Variants in TBC1D19 observed in about 807,000 individuals in gnomAD.
TBC1D19 encodes the protein TBC1 domain family member 19, also known as TBC1 domain family, member 19.
Under a neutral mutation model 89.0 loss-of-function variants are expected in TBC1D19, and 60 were observed. That is an observed-to-expected ratio of 0.67 (90% CI 0.55 to 0.84). The LOEUF (loss-of-function observed/expected upper bound fraction) is 0.84. TBC1D19 is among the 40% of genes least tolerant of loss of function. The pLI is 0.00. For synonymous variants in TBC1D19, 189 were observed against 199.7 expected (o/e 0.95, Z 0.45); for missense variants, 500 against 610.8 (o/e 0.82, Z 1.91).
At chr4:26,847,628 A>G in the TBC1D19 span, among the ~76,000 whole-genome samples, 4 of 152,322 alleles carry the variant, frequency 2.6e-5, no homozygotes, top group South Asian at 4.1e-4. Context: ...GTTGATCATT[A>G]TTGCTTTTAC....
chr4:26,642,354 A>G (rs1416164643), intron 7 of TBC1D19, among the ~76,000 whole-genome samples: 1 of 152,226 alleles, frequency 6.6e-6, no homozygotes. Flanking sequence ...AGGAGAAATA[A>G]AATCCTTTAC....
downstream of TBC1D19, among the ~76,000 whole-genome samples, chr4:26,757,197 TAG>T (rs971518957): frequency 2.0e-5 from 3 of 152,148 alleles, no homozygotes; most frequent in Non-Finnish European, 4.4e-5. Flanking sequence ...GTATTTTTAG[TAG>T]AGACAGGTTT....
chr4:26,741,794 G>A (rs1019009906), intron 17 of TBC1D19, among the ~76,000 whole-genome samples: 1 of 152,192 alleles, frequency 6.6e-6, no homozygotes, highest in Non-Finnish European at 1.5e-5. Context: ...GGAATGCTAA[G>A]CTGCAGGAAA....
At chr4:26,850,007 T>A in the TBC1D19 span, among the ~76,000 whole-genome samples, 1 of 152,260 alleles carries the variant, frequency 6.6e-6, no homozygotes, top group East Asian at 1.9e-4. Flanking sequence ...AGGTACAGGA[T>A]CAGATACTGT....
chr4:26,688,855 T>G (rs1415778145), intron 13 of TBC1D19, among the ~76,000 whole-genome samples: 3 of 152,130 alleles, frequency 2.0e-5, no homozygotes, highest in African/African-American at 7.2e-5. Context: ...GATGCTTGGA[T>G]TCTTACTTTT....
the TBC1D19 span, among the ~76,000 whole-genome samples, chr4:26,831,948 A>C: frequency 6.6e-6 from 1 of 152,144 alleles, no homozygotes; most frequent in Non-Finnish European, 1.5e-5. Flanking sequence ...TAAGGCTCCC[A>C]TATCTGCCAT....
At chr4:26,688,277 G>A in intron 12 of TBC1D19, 68 bp from the exon 13 acceptor site, 1 of 1,479,264 alleles carries the variant, frequency 6.8e-7, no homozygotes, top group Non-Finnish European at 9.0e-7. Context: ...CTAAATACAT[G>A]TGTATGCTTT....
intron 7 of TBC1D19, among the ~76,000 whole-genome samples, chr4:26,649,706 TCTAA>T (rs959270831): frequency 2.6e-5 from 4 of 152,016 alleles, no homozygotes; most frequent in Admixed American, 6.5e-5. Flanking sequence ...ATCTCAACGT[TCTAA>T]CTTTTTTTTT....
intron 2 of TBC1D19, 80 bp downstream of exon 2, chr4:26,613,321 T>A: frequency 1.2e-6 from 1 of 845,752 alleles, no homozygotes; most frequent in Non-Finnish European, 1.8e-6. Flanking sequence ...CCCTCAAGCT[T>A]GTACAACCAC....
At chr4:26,718,052 C>T (rs765793344) in intron 14 of TBC1D19, 35 bp downstream of exon 14, 13 of 1,469,546 alleles carry the variant, frequency 8.8e-6, no homozygotes, top group African/African-American at 4.2e-5. Context: ...AGTATTAAGA[C>T]TTACATAATC....
chr4:26,672,411 G>A (rs10031208), intron 10 of TBC1D19, among the ~76,000 whole-genome samples: 6,526 of 151,962 alleles, frequency 0.043, 483 homozygotes, highest in African/African-American at 0.15. Flanking sequence ...GTACACAGCT[G>A]GTTCACTAAA....
At chr4:26,627,766 A>G (rs1742524754) in intron 4 of TBC1D19, among the ~76,000 whole-genome samples, 3 of 151,866 alleles carry the variant, frequency 2.0e-5, no homozygotes, top group South Asian at 4.2e-4. Context: ...GTTTGAGTTC[A>G]TTGTAGATTC....
chr4:26,702,820 C>T (rs1715437878), intron 13 of TBC1D19, among the ~76,000 whole-genome samples: 1 of 152,172 alleles, frequency 6.6e-6, no homozygotes, highest in South Asian at 2.1e-4. Context: ...ATTCAGTCAT[C>T]TCCCATGACA....
chr4:26,629,847 A>G (rs991779332), intron 4 of TBC1D19, among the ~76,000 whole-genome samples: 2 of 151,972 alleles, frequency 1.3e-5, no homozygotes, highest in East Asian at 1.9e-4. Flanking sequence ...TCCAAAATAT[A>G]TATGTTTTTA....
intron 14 of TBC1D19, among the ~76,000 whole-genome samples, chr4:26,718,565 A>G (rs1044885324): frequency 6.6e-6 from 1 of 152,088 alleles, no homozygotes; most frequent in Non-Finnish European, 1.5e-5. Flanking sequence ...TGAACACCCA[A>G]CACTGAAAGC....
At chr4:26,587,963 T>C (rs897747008) in intron 1 of TBC1D19, among the ~76,000 whole-genome samples, 20 of 151,978 alleles carry the variant, frequency 1.3e-4, no homozygotes, top group Admixed American at 3.9e-4. Flanking sequence ...ATATTCCTTT[T>C]AGTGTCTGTA....
the TBC1D19 span, among the ~76,000 whole-genome samples, chr4:26,817,288 C>T: frequency 2.6e-5 from 4 of 152,124 alleles, no homozygotes; most frequent in Non-Finnish European, 5.9e-5. Context: ...CTCTCCCGCA[C>T]CCCGCCGGCA....
chr4:26,800,759 A>C, the TBC1D19 span, among the ~76,000 whole-genome samples: 1 of 152,176 alleles, frequency 6.6e-6, no homozygotes, highest in Admixed American at 6.5e-5. Flanking sequence ...TTTGCCAGTG[A>C]TGATGAGCAT....
intron 3 of TBC1D19, 34 bp downstream of exon 3, chr4:26,614,487 TG>T (rs1560418546): frequency 1.3e-6 from 2 of 1,503,446 alleles, no homozygotes; most frequent in South Asian, 1.3e-5. Context: ...AATAGTATTT[TG>T]TTTAGCTATA....
Sources: allele counts gnomAD v4.1 joint callset (sites outside exome capture counted in the v4.1 genomes callset), GRCh38; gene constraint gnomAD v4.1.1; transcripts MANE v1.5; gene names NCBI Gene and HGNC (gene_info 2026-07-23, HGNC 2026-07-21).